The following TNFRSF9 variants were observed in gnomAD, a reference collection of about 807,000 sequenced individuals.
TNFRSF9 encodes TNF receptor superfamily member 9.
In TNFRSF9, 16 loss-of-function variants were observed where a neutral mutation model predicts 28.8. The ratio of observed to expected loss-of-function variants is 0.55; its 90% CI spans 0.38 to 0.84. The LOEUF (loss-of-function observed/expected upper bound fraction) is 0.84, where lower values mean the gene tolerates loss of function less well. TNFRSF9 is among the 40% of genes least tolerant of loss of function. The pLI, the probability that TNFRSF9 is intolerant of heterozygous loss-of-function variation, is 0.00. For missense variants in TNFRSF9, 303 were observed against 315.0 expected (o/e 0.96, Z 0.29); for synonymous variants, 131 against 117.0 (o/e 1.12, Z -0.77).
In TNFRSF9 at chr1:7,938,756, C is replaced by T. The variant is rs778207494; in HGVS notation, c.173G>A (p.Gly58Glu). Reference protein sequence around the residue: ...CPPNSFSSAGGQRTCDICRQC... With the variant: ...CPPNSFSSAGEQRTCDICRQC... The stretch of plus-strand genomic sequence containing the variant: ...CCTGCATATGTCACAGGTCCTTTGT[C>T]CACCTGCGCTGGAGAAACTATTTGG... Residue 58 changes from glycine (G) to glutamate (E), a missense_variant, in exon 3 of 8, where the codon GGA becomes GAA. Transcript: ENST00000377507. The T allele has an allele frequency of 1.2e-6, 2 of 1,613,450 alleles. No individual in the cohort carries two copies. Among genetic ancestry groups the T allele is most frequent in the African/African-American group, 1.3e-5 (1 of 74,924 alleles).
chr1:7,935,276 G>A, intron 5 of TNFRSF9, 133 bp from the exon 6 acceptor site: 1 of 995,592 alleles, frequency 1.0e-6, no homozygotes, highest in Non-Finnish European at 1.4e-6. Context: ...CGAAAGCGAT[G>A]CAAAGATATT....
intron 1 of TNFRSF9, among the ~76,000 whole-genome samples, chr1:7,940,310 A>G (rs1048743114): frequency 3.9e-5 from 6 of 152,216 alleles, no homozygotes; most frequent in African/African-American, 1.4e-4. Context: ...TGCATTTTCC[A>G]TCATGTTCTG....
intron 7 of TNFRSF9, 101 bp downstream of exon 7, chr1:7,933,061 T>C: frequency 6.9e-7 from 1 of 1,439,418 alleles, no homozygotes; most frequent in African/African-American, 1.4e-5. Context: ...CACGGGGCTA[T>C]ATGAACCTCA....
At chr1:7,927,699 T>C (rs1319878045) in intron 7 of TNFRSF9, among the ~76,000 whole-genome samples, 6 of 142,074 alleles carry the variant, frequency 4.2e-5, no homozygotes, top group Non-Finnish European at 9.3e-5. Flanking sequence ...AAATATGAAA[T>C]AGAAAACTGT....
chr1:7,923,974 T>C (rs1639599394), intron 7 of TNFRSF9, among the ~76,000 whole-genome samples: 1 of 152,182 alleles, frequency 6.6e-6, no homozygotes, highest in African/African-American at 2.4e-5. Flanking sequence ...GTTCCTGCAT[T>C]AGAATACAGT....
rs776878260 is a variant in TNFRSF9 at position 7,920,854 on chromosome 1, T to C, written c.749A>G (p.Glu250Gly). Residue 250 changes from glutamate to glycine, a missense_variant, in exon 8 of 8, where the codon GAA becomes GGA. Physicochemically the swap from Glu to Gly is moderately conservative, Grantham distance 98 (BLOSUM62 -2). Transcript: ENST00000377507. ...TCCATTTCACAGTTCACATCCTCCT[T>C]CTTCTTCTTCTGGAAATCGGCAGCT... ...GCSCRFPEEE[E>G]GGCEL The C allele has an allele frequency of 5.5e-5, 89 of 1,606,568 alleles. No homozygotes were observed. The highest frequency in any genetic ancestry group is 7.4e-5 in the Non-Finnish European group (87 of 1,174,070).
intron 7 of TNFRSF9, among the ~76,000 whole-genome samples, chr1:7,922,873 G>A (rs1639582237): frequency 6.6e-6 from 1 of 151,210 alleles, no homozygotes; most frequent in Admixed American, 6.6e-5. Flanking sequence ...CAGGAAAGGG[G>A]CAGCATAGCA....
rs1406794770 is a variant in TNFRSF9 at position 7,919,829 on chromosome 1, C to T, written c.*1006G>A. Reference sequence around the variant, plus strand: ...ATGAGCTCACAGGTGTTAATTTTCTCACTGTACTTCATACCTATCATATGC... The same window carrying T: ...ATGAGCTCACAGGTGTTAATTTTCTTACTGTACTTCATACCTATCATATGC... On this transcript the variant is annotated 3_prime_UTR_variant, in exon 8 of 8. Transcript: ENST00000377507. 7 of 152,228 alleles carry T rather than the reference C, an allele frequency of 4.6e-5. No individual in the cohort carries two copies. The highest frequency in any genetic ancestry group is 1.7e-4 in the African/African-American group (7 of 41,462). 9.4% of individuals were successfully genotyped at this position (152,228 alleles called of 1,614,324 possible).
In TNFRSF9 at chr1:7,937,714, C is replaced by A. The variant is rs149951504; in HGVS notation, c.389G>T (p.Arg130Leu). The A allele has an allele frequency of 6.2e-7, 1 of 1,613,552 alleles. No individual in the cohort carries two copies. Among genetic ancestry groups the A allele is most frequent in the Non-Finnish European group, 8.5e-7 (1 of 1,179,628 alleles). ...CTTTGTCCAGGGTCGACAGATGCCA[C>A]GTTTCTGATCGTTAAATGTCCCAAA... ...CCFGTFNDQKRGICRPWTNCS... is the reference protein window; with the variant it reads ...CCFGTFNDQKLGICRPWTNCS... Residue 130 changes from arginine (R) to leucine (L), a missense_variant, in exon 5 of 8, where the codon CGT becomes CTT. Transcript: ENST00000377507.
rs762811646 is a variant in TNFRSF9, at chr1:7,938,711, G to A, written c.208+10C>T. ...TCTTCTAGAAGAAGAAAATATCTTT[G>A]AACTCATACCTTTACACTGCCTGCA... On this transcript the variant is annotated intron_variant, in intron 3 of 7. Transcript: ENST00000377507. 2.9e-5 allele frequency: 46 copies of A among 1,574,616 alleles called. No individual in the cohort carries two copies. Among genetic ancestry groups the A allele is most frequent in the Non-Finnish European group, 4.0e-5 (46 of 1,151,952 alleles).
chr1:7,929,133 T>G, intron 7 of TNFRSF9, among the ~76,000 whole-genome samples: 1 of 147,876 alleles, frequency 6.8e-6, no homozygotes, highest in South Asian at 2.2e-4. Context: ...ATAACCCTCC[T>G]CAGTTTTTCT....
intron 5 of TNFRSF9, 97 bp from the exon 6 acceptor site, chr1:7,935,240 G>A: frequency 7.2e-7 from 1 of 1,388,054 alleles, no homozygotes; most frequent in Non-Finnish European, 9.8e-7. Context: ...AAGTAGCCTA[G>A]TGAAAAAGAT....
rs747631723 is a variant in TNFRSF9, at chr1:7,920,732, T to C, written c.*103A>G. Reference sequence around the variant, plus strand: ...ACGTGTGTTGGGGGAATCCTGGGTATTATGTAGGATGGTGTTCTTGCTTTT... The same window carrying C: ...ACGTGTGTTGGGGGAATCCTGGGTACTATGTAGGATGGTGTTCTTGCTTTT... On this transcript the variant is annotated 3_prime_UTR_variant, in exon 8 of 8. Transcript: ENST00000377507. The C allele has an allele frequency of 1.2e-5, 11 of 905,610 alleles. No individual in the cohort carries two copies. Among genetic ancestry groups the C allele is most frequent in the Non-Finnish European group, 1.6e-5 (9 of 554,010 alleles). The allele number at this position is 905,610 out of a possible 1,614,324, so 56.1% of individuals were successfully genotyped here.
chr1:7,917,979 T>TATATATATATAG lies in TNFRSF9; in HGVS notation c.*2855_*2856insCTATATATATAT, dbSNP rs370720177. On this transcript the variant is annotated 3_prime_UTR_variant, in exon 8 of 8. Coordinates refer to ENST00000377507, the MANE Select transcript of TNFRSF9 (RefSeq NM_001561.6). ...GGATATATATATATATATATATAGA[T>TATATATATATAG]ATAGATAGATAGATAGATAGATAGG... 78 of 130,992 alleles carry TATATATATATAG rather than the reference T, an allele frequency of 6.0e-4. No homozygotes were observed. The highest frequency in any genetic ancestry group is 2.2e-3 in the African/African-American group (73 of 33,580). The allele number at this position is 130,992 out of a possible 1,614,324, so 8.1% of individuals were successfully genotyped here. A position where few individuals can be genotyped will look rare whatever the true frequency, so the allele number is the denominator to read the frequency against.
chr1:7,940,730 G>T (rs1472383819), intron 1 of TNFRSF9, 54 bp downstream of exon 1: 4 of 152,282 alleles, frequency 2.6e-5, no homozygotes, highest in African/African-American at 4.8e-5. Context: ...GGGAGCAAAA[G>T]TTCCAATCTC....
intron 7 of TNFRSF9, among the ~76,000 whole-genome samples, chr1:7,927,999 T>C (rs375679800): frequency 2.0e-5 from 3 of 151,840 alleles, no homozygotes; most frequent in African/African-American, 7.3e-5. Context: ...AACTAGAAAA[T>C]AGGTGAAAGA....
intron 7 of TNFRSF9, among the ~76,000 whole-genome samples, chr1:7,932,315 T>A (rs1244468731): frequency 6.6e-6 from 1 of 152,188 alleles, no homozygotes. Flanking sequence ...CTCATCCTAA[T>A]GTCCATGAAG....
At chr1:7,923,230 T>G (rs11121057) in intron 7 of TNFRSF9, among the ~76,000 whole-genome samples, 6,913 of 152,040 alleles carry the variant, frequency 0.045, 555 homozygotes, top group African/African-American at 0.16. Flanking sequence ...ACCACTCAAT[T>G]CTAACAAAAC....
chr1:7,938,187 A>C lies in TNFRSF9; in HGVS notation c.346+6T>G. ...ACTACACTAGATCAAAGAAACGCAA[A>C]CGTACCTTTTTTTGTCAGTTCTTGA... On this transcript the variant is annotated splice_donor_region_variant and intron_variant, in intron 4 of 7. Coordinates refer to ENST00000377507, the MANE Select transcript of TNFRSF9 (RefSeq NM_001561.6). The C allele has an allele frequency of 1.3e-6, 2 of 1,575,358 alleles. No individual in the cohort carries two copies. Among genetic ancestry groups the C allele is most frequent in the Non-Finnish European group, 1.7e-6 (2 of 1,160,794 alleles).
Sources: gnomAD v4.1 joint callset for allele counts (sites outside exome capture counted in the v4.1 genomes callset) on GRCh38, gnomAD v4.1.1 for gene constraint, MANE v1.5 for transcripts, NCBI Gene and HGNC (gene_info 2026-07-23, HGNC 2026-07-21) for gene names.